COL6A1: variants seen among roughly 807,000 people sequenced by gnomAD.
COL6A1 encodes the protein collagen alpha-1(VI) chain.
A neutral mutation model predicts 145.6 loss-of-function variants in COL6A1; 80 were observed. That is an observed-to-expected ratio of 0.55 (90% CI 0.46 to 0.66). COL6A1 has a LOEUF of 0.66. Ranked by LOEUF, COL6A1 falls within the 30% of genes least tolerant of loss-of-function variation. The pLI is 0.00. For missense variants in COL6A1, 1,364 were observed against 1,473.8 expected (o/e 0.93, Z 1.22); for synonymous variants, 638 against 622.8 (o/e 1.02, Z -0.36).
chr21:45,994,088 C>A lies in COL6A1; in HGVS notation c.1336-79C>A. 1 of 1,409,786 alleles carries A rather than the reference C, an allele frequency of 7.1e-7. No individual in the cohort carries two copies. The highest frequency in any genetic ancestry group is 9.8e-7 in the Non-Finnish European group (1 of 1,017,726). The allele number at this position is 1,409,786 out of a possible 1,614,324, so 87.3% of individuals were successfully genotyped here. On this transcript the variant is annotated intron_variant, in intron 19 of 34. Transcript: ENST00000361866. This position sits in a 1 kb window ranked among gnomAD's most constrained non-coding sequence, Gnocchi z 6.8. ...GCCCAGTGACCACCTGGACAGCATG[C>A]TGTGGCTCCCAGCGTGCCCGGGCAG...
At position 46,004,453 on chromosome 21, in the gene COL6A1, C is replaced by T. The variant is rs1046111337; in HGVS notation, c.*440C>T. The T allele has an allele frequency of 1.3e-5, 4 of 318,938 alleles. No individual in the cohort carries two copies. The highest frequency in any genetic ancestry group is 2.5e-5 in the Non-Finnish European group (4 of 161,834). 19.8% of individuals were successfully genotyped at this position (318,938 alleles called of 1,614,324 possible). Reference sequence around the variant, plus strand: ...CTGCATCCCACCAGCCTGAGCAAGACGCCCTCTCGGGGCCTGTGCCGCACT... The same window carrying T: ...CTGCATCCCACCAGCCTGAGCAAGATGCCCTCTCGGGGCCTGTGCCGCACT... On this transcript the variant is annotated 3_prime_UTR_variant, in exon 35 of 35. Coordinates refer to ENST00000361866, the MANE Select transcript of COL6A1 (RefSeq NM_001848.3).
Position 45,992,093 on chromosome 21 carries a change from C to G in COL6A1, c.1182+21C>G, listed in dbSNP as rs771031054. The G allele has an allele frequency of 2.2e-5, 36 of 1,613,328 alleles. No individual in the cohort carries two copies. The East Asian group carries it at 3.6e-4, about 16-fold the overall frequency. On this transcript the variant is annotated intron_variant, in intron 16 of 34. Transcript: ENST00000361866. ...ACGAGGTGAGGAGCTTCACAGCCCC[C>G]ACACATGCCAGGTATGGGCCCAGGG...
Position 46,002,645 on chromosome 21 carries a change from AG to A in COL6A1, c.2371del (p.Glu791ArgfsTer12). 1 of 1,613,966 alleles carries A rather than the reference AG, an allele frequency of 6.2e-7. No homozygotes were observed. The highest frequency in any genetic ancestry group is 1.1e-5 in the South Asian group (1 of 91,090). ...SQGRPGLSLV[K>X]ENYAELLEDA... Reference sequence around the variant, plus strand: ...GGCCGGCCCGGCCTCTCGCTGGTCAAGGAGAACTATGCAGAGCTGCTGGAGG... The same window carrying A: ...GGCCGGCCCGGCCTCTCGCTGGTCAAGAGAACTATGCAGAGCTGCTGGAGG... On this transcript the variant is annotated frameshift_variant, in exon 33 of 35. Transcript: ENST00000361866. LOFTEE classifies it high-confidence loss of function.
chr21:45,999,078 T>G, intron 25 of COL6A1, 75 bp from the exon 26 acceptor site: 1 of 1,543,076 alleles, frequency 6.5e-7, no homozygotes, highest in South Asian at 1.2e-5. Flanking sequence ...GGCTGCTGGA[T>G]GCTCTGTGGA....
intron 4 of COL6A1, 120 bp downstream of exon 4, chr21:45,986,805 C>A (rs1603590005): frequency 1.3e-6 from 2 of 1,515,334 alleles, no homozygotes; most frequent in African/African-American, 1.4e-5. Flanking sequence ...AGCCGGCCAC[C>A]CTTGCCCCTG....
intron 9 of COL6A1, 90 bp downstream of exon 9, chr21:45,989,227 C>A: frequency 7.2e-7 from 1 of 1,380,724 alleles, no homozygotes; most frequent in Non-Finnish European, 9.9e-7. Flanking sequence ...TGGCTGGGTT[C>A]TGAGTGCCAA....
chr21:46,001,059 C>A, intron 29 of COL6A1, 194 bp from the exon 30 acceptor site: 2 of 838,894 alleles, frequency 2.4e-6, no homozygotes, highest in Non-Finnish European at 3.7e-6. Context: ...GCAACGCCAG[C>A]CCTGACCAGC....
intron 3 of COL6A1, among the ~76,000 whole-genome samples, chr21:45,984,785 CAGAGACACAGAG>C (rs1291207773): frequency 1.4e-5 from 2 of 145,238 alleles, no homozygotes; most frequent in Non-Finnish European, 3.0e-5. Flanking sequence ...GAGACAGAGA[CAGAGACACAGAG>C]AGAGACACAG....
chr21:46,004,260 ACAGGGCC>A lies in COL6A1; in HGVS notation c.*249_*255del, dbSNP rs2077868045. 2 of 578,782 alleles carry A rather than the reference ACAGGGCC, an allele frequency of 3.5e-6. No homozygotes were observed. The highest frequency in any genetic ancestry group is 6.1e-6 in the Non-Finnish European group (2 of 327,286). The allele number at this position is 578,782 out of a possible 1,614,324, so 35.9% of individuals were successfully genotyped here. ...TCAGCCCTGAGCTAGTGTCACCTGC[ACAGGGCC>A]CTCTGAGGCTCAGCCCTGAGCTGGC... On this transcript the variant is annotated 3_prime_UTR_variant, in exon 35 of 35. Transcript: ENST00000361866.
chr21:45,986,614 G>A lies in COL6A1; in HGVS notation c.517G>A (p.Glu173Lys), dbSNP rs1258594809. The A allele has an allele frequency of 1.9e-6, 3 of 1,557,034 alleles. No homozygotes were observed. Among genetic ancestry groups the A allele is most frequent in the Admixed American group, 3.8e-5 (2 of 52,304 alleles). ...EGYKEPCGGL[E>K]DAVNEAKHLG... ...CTACAAGGAACCCTGTGGGGGGCTGGAGGATGCTGTGAACGAGGCCAAGCA... is the reference window on the plus strand; with the variant it reads ...CTACAAGGAACCCTGTGGGGGGCTGAAGGATGCTGTGAACGAGGCCAAGCA... Residue 173 changes from glutamate to lysine, a missense_variant, in exon 4 of 35, where the codon GAG (glutamate) becomes AAG (lysine). Physicochemically the swap from Glu to Lys is moderately conservative, Grantham distance 56. This residue lies in a region of COL6A1 where 414 missense variants were observed against 437.6 expected (regional missense o/e 0.95). Transcript: ENST00000361866.
chr21:45,993,844 G>A (rs985030075), intron 19 of COL6A1, among the ~76,000 whole-genome samples: 18 of 152,358 alleles, frequency 1.2e-4, no homozygotes, highest in Admixed American at 8.5e-4. Flanking sequence ...CCAGCTTCCC[G>A]GCGGGCCACA....
At chr21:45,989,495 C>T (rs1026706900) in intron 9 of COL6A1, 113 bp from the exon 10 acceptor site, 7 of 1,091,672 alleles carry the variant, frequency 6.4e-6, no homozygotes, top group Non-Finnish European at 9.8e-6. Flanking sequence ...GCAGCAGGGC[C>T]CCTCTCTCGG....
chr21:46,000,623 G>A, intron 28 of COL6A1, 136 bp from the exon 29 acceptor site: 2 of 1,403,180 alleles, frequency 1.4e-6, no homozygotes, highest in South Asian at 2.3e-5. Flanking sequence ...GGCGGGGCAG[G>A]AGGCCGGGGA....
intron 34 of COL6A1, 116 bp from the exon 35 acceptor site, chr21:46,003,275 G>A (rs2123492170): frequency 2.5e-6 from 4 of 1,603,118 alleles, no homozygotes; most frequent in East Asian, 2.2e-5. Flanking sequence ...GCTCACTCCG[G>A]TGGCTGAGCA....
rs759880017 is a variant in COL6A1 at position 45,984,376 on chromosome 21, C to T, written c.335C>T (p.Ala112Val). The change falls in exon 3 of 35, where the codon GCA becomes GTA. Residue 112 changes from alanine to valine, a missense_variant. Around this residue, in one of 3 missense-constraint regions of COL6A1, gnomAD observed 414 missense variants for 437.6 expected, o/e 0.95. Coordinates refer to ENST00000361866, the MANE Select transcript of COL6A1 (RefSeq NM_001848.3). ...ACGCGCATGCCTGGCGGCCGCGACG[C>T]ACTCAAAAGCAGCGTGGACGCGGTC... ...GLTRMPGGRD[A>V]LKSSVDAVKY... is the part of the protein sequence containing the mutation. 9.3e-6 allele frequency: 15 copies of T among 1,612,622 alleles called. No individual in the cohort carries two copies. The East Asian group carries it at 2.2e-4, about 24-fold the overall frequency.
At chr21:45,996,969 C>A (rs528459633) in intron 20 of COL6A1, among the ~76,000 whole-genome samples, 219 of 152,286 alleles carry the variant, frequency 1.4e-3, no homozygotes, top group African/African-American at 4.5e-3. Context: ...CAAAGGGGAC[C>A]ATGAGGGAGG....
At chr21:45,989,287 A>G in intron 9 of COL6A1, 150 bp downstream of exon 9, 2 of 889,560 alleles carry the variant, frequency 2.2e-6, no homozygotes, top group Non-Finnish European at 1.7e-6. Context: ...GAGGGGCCAC[A>G]GCCCAGCCAT....
intron 26 of COL6A1, 82 bp downstream of exon 26, chr21:45,999,300 C>T: frequency 7.4e-7 from 1 of 1,359,940 alleles, no homozygotes; most frequent in African/African-American, 1.4e-5. Context: ...CTGGAAGAGG[C>T]TGGGAGAGTG....
intron 27 of COL6A1, 71 bp downstream of exon 27, chr21:45,999,763 T>G: frequency 8.7e-7 from 1 of 1,147,448 alleles, no homozygotes; most frequent in Non-Finnish European, 1.2e-6. Context: ...GTGGGTCCTG[T>G]CCATGGGTGC....
Sources: gnomAD v4.1 joint callset for allele counts (sites outside exome capture counted in the v4.1 genomes callset) on GRCh38, gnomAD v4.1.1 for gene constraint, gnomAD v4.1.1 regional missense constraint, Gnocchi (gnomAD v3.1) non-coding constraint, MANE v1.5 for transcripts, NCBI Gene and HGNC (gene_info 2026-07-23, HGNC 2026-07-21) for gene names.